Variants in ITGA8 observed in about 807,000 individuals in gnomAD.
ITGA8 encodes the protein integrin subunit alpha 8.
A neutral mutation model predicts 142.3 loss-of-function variants in ITGA8; 91 were observed. The observed-to-expected ratio is 0.64, with a 90% CI of 0.54 to 0.76. The LOEUF is 0.76. Among genes scored for constraint, ITGA8 ranks in the 30% least tolerant of loss-of-function variants. The pLI is 0.00. For missense variants in ITGA8, 1,406 were observed against 1,327.7 expected, an observed-to-expected ratio of 1.06 and a Z score of -0.92; for synonymous variants, 505 against 485.2, an observed-to-expected ratio of 1.04 and a Z score of -0.54.
chr10:15,657,514 T>TTTC (rs1482330026), intron 10 of ITGA8, among the ~76,000 whole-genome samples: 1 of 125,038 alleles, frequency 8.0e-6, no homozygotes, highest in Non-Finnish European at 1.9e-5. Context: ...TCTTTCATTT[T>TTTC]TTTTTTTTTT....
intron 2 of ITGA8, among the ~76,000 whole-genome samples, chr10:15,691,257 A>G (rs1164391498): frequency 6.6e-6 from 1 of 152,208 alleles, no homozygotes; most frequent in Admixed American, 6.5e-5. Flanking sequence ...ATAAATTAGT[A>G]CAGATGTTAT....
At chr10:15,575,373 CA>C in intron 24 of ITGA8, 115 bp downstream of exon 24, 1 of 758,770 alleles carries the variant, frequency 1.3e-6, no homozygotes, top group Non-Finnish European at 2.2e-6. Flanking sequence ...CTGGGAGACA[CA>C]GCGAGATCCT....
chr10:15,675,366 G>C (rs151301863), intron 6 of ITGA8, among the ~76,000 whole-genome samples: 2 of 152,060 alleles, frequency 1.3e-5, no homozygotes, highest in South Asian at 4.1e-4. Context: ...AGTAGCAGGC[G>C]TCAGAAACAC....
At chr10:15,694,373 T>C (rs1161296282) in intron 2 of ITGA8, among the ~76,000 whole-genome samples, 1 of 133,050 alleles carries the variant, frequency 7.5e-6, no homozygotes, top group African/African-American at 3.0e-5. Context: ...TAATATATCA[T>C]ATATGATAAT....
intron 6 of ITGA8, among the ~76,000 whole-genome samples, chr10:15,675,855 T>A (rs1305589482): frequency 6.6e-6 from 1 of 152,182 alleles, no homozygotes; most frequent in East Asian, 1.9e-4. Flanking sequence ...GAAACCTGAA[T>A]AAAATTTTAA....
At chr10:15,585,485 C>G (rs1489234628) in intron 23 of ITGA8, among the ~76,000 whole-genome samples, 1 of 152,246 alleles carries the variant, frequency 6.6e-6, no homozygotes, top group African/African-American at 2.4e-5. Flanking sequence ...CATGGCAGCA[C>G]TGGCTCTGCC....
At chr10:15,522,331 A>G (rs753492385) in intron 28 of ITGA8, among the ~76,000 whole-genome samples, 1 of 152,218 alleles carries the variant, frequency 6.6e-6, no homozygotes, top group African/African-American at 2.4e-5. Flanking sequence ...ATTACACCTG[A>G]TGACATGTAT....
chr10:15,583,871 C>G (rs1834462001), intron 23 of ITGA8, among the ~76,000 whole-genome samples: 1 of 152,140 alleles, frequency 6.6e-6, no homozygotes. Flanking sequence ...TTTTCAAAAA[C>G]CCCACAAACT....
intron 13 of ITGA8, among the ~76,000 whole-genome samples, chr10:15,628,693 C>T (rs1051519976): frequency 4.6e-5 from 7 of 151,678 alleles, no homozygotes; most frequent in African/African-American, 1.5e-4. Flanking sequence ...GGATCAGGAC[C>T]CCTTTCCAGT....
At chr10:15,670,062 C>T (rs1348702899) in intron 8 of ITGA8, among the ~76,000 whole-genome samples, 2 of 152,214 alleles carry the variant, frequency 1.3e-5, no homozygotes, top group Non-Finnish European at 2.9e-5. Context: ...GCAGAAATCA[C>T]CCATCTTCTG....
chr10:15,707,094 T>C (rs773915874), intron 2 of ITGA8, among the ~76,000 whole-genome samples: 16 of 152,292 alleles, frequency 1.1e-4, no homozygotes, highest in Non-Finnish European at 2.4e-4. Flanking sequence ...AAAGTTCTTG[T>C]GACCACCTGT....
At chr10:15,719,344 G>A (rs1427361411) in intron 1 of ITGA8, among the ~76,000 whole-genome samples, 1 of 152,218 alleles carries the variant, frequency 6.6e-6, no homozygotes, top group African/African-American at 2.4e-5. Flanking sequence ...CAGGACTTGC[G>A]TGTTCTATGC....
rs1457139331 is a variant in ITGA8, at chr10:15,517,118, G to A, written c.*40C>T. The A allele has an allele frequency of 5.0e-6, 7 of 1,411,398 alleles. No individual in the cohort carries two copies. The highest frequency in any genetic ancestry group is 3.6e-5 in the South Asian group (3 of 84,324). The allele number at this position is 1,411,398 out of a possible 1,614,324, so 87.4% of individuals were successfully genotyped here. A position where few individuals can be genotyped will look rare whatever the true frequency, so the allele number is the denominator to read the frequency against. ...ATGTTCTTTCTTTTTCTTTGAACAG[G>A]ACCAGTGTTTGAGGTCTTTGGTCTT... On this transcript the variant is annotated 3_prime_UTR_variant, in exon 30 of 30. Transcript: ENST00000378076.
rs11816734 is a variant in ITGA8 at position 15,544,880 on chromosome 10, A to T, written c.2880+3575T>A. ...GGGAAGCTAGTCGCCATGTTAGGAG[A>T]TCGCTCAAGCAGCACTGTGGAGAGG... On this transcript the variant is annotated intron_variant, in intron 27 of 29. Coordinates refer to ENST00000378076, the MANE Select transcript of ITGA8 (RefSeq NM_003638.3). Among the ~76,000 whole-genome samples, 1,354 of 152,272 alleles carry T rather than the reference A, an allele frequency of 8.9e-3. 19 individuals are homozygous for T. Among genetic ancestry groups the T allele is most frequent in the African/African-American group, 0.032 (1,316 of 41,540 alleles).
At chr10:15,613,544 G>T (rs1276851268) in intron 15 of ITGA8, 116 bp downstream of exon 15, 6 of 768,736 alleles carry the variant, frequency 7.8e-6, no homozygotes. Flanking sequence ...CTTTTTTCGA[G>T]AAATGCAAAA....
chr10:15,715,029 A>G (rs1835425610), intron 2 of ITGA8, among the ~76,000 whole-genome samples: 1 of 152,208 alleles, frequency 6.6e-6, no homozygotes, highest in Non-Finnish European at 1.5e-5. Context: ...TATGCCTGAC[A>G]CATCACACTC....
intron 26 of ITGA8, among the ~76,000 whole-genome samples, chr10:15,553,976 A>T (rs1833839899): frequency 6.6e-6 from 1 of 152,050 alleles, no homozygotes; most frequent in African/African-American, 2.4e-5. Context: ...CTGAGCACCA[A>T]GAGTGAAACT....
chr10:15,596,591 C>G (rs1156963517), intron 21 of ITGA8: 2 of 152,128 alleles, frequency 1.3e-5, no homozygotes, highest in Non-Finnish European at 2.9e-5. Flanking sequence ...TTTTGAATAC[C>G]CAAGATCAAC....
At chr10:15,694,234 A>ATATTATC (rs1834992412) in intron 2 of ITGA8, among the ~76,000 whole-genome samples, 2 of 137,944 alleles carry the variant, frequency 1.4e-5, no homozygotes, top group African/African-American at 5.3e-5. Context: ...TATATATGAT[A>ATATTATC]ATATATCATA....
Sources: gnomAD v4.1 joint callset for allele counts (sites outside exome capture counted in the v4.1 genomes callset) on GRCh38, gnomAD v4.1.1 for gene constraint, MANE v1.5 for transcripts, NCBI Gene and HGNC (gene_info 2026-07-23, HGNC 2026-07-21) for gene names.